FHIP1A: variants seen among roughly 807,000 people sequenced by gnomAD.
The protein encoded by FHIP1A is FHF complex subunit HOOK interacting protein 1A, also known as FHF complex subunit HOOK-interacting protein 1A.
A neutral mutation model predicts 88.6 loss-of-function variants in FHIP1A; 61 were observed. The observed-to-expected ratio is 0.69, with a 90% CI of 0.56 to 0.85. The LOEUF (loss-of-function observed/expected upper bound fraction) is 0.85. FHIP1A is among the 40% of genes least tolerant of loss of function. The pLI, the probability that FHIP1A is intolerant of heterozygous loss-of-function variation, is 0.00. For synonymous variants in FHIP1A, 478 were observed against 496.0 expected (o/e 0.96, Z 0.48); for missense variants, 1,154 against 1,273.5 (o/e 0.91, Z 1.43).
chr4:151,485,593 T>TG (rs1446222275), intron 3 of FHIP1A, among the ~76,000 whole-genome samples: 5 of 144,572 alleles, frequency 3.5e-5, no homozygotes, highest in South Asian at 2.1e-4. Context: ...AGCTCAGAGT[T>TG]TTTTTTTTTT....
Position 151,663,269 on chromosome 4 carries a change from A to G in FHIP1A, c.*515A>G, listed in dbSNP as rs928813536. On this transcript the variant is annotated 3_prime_UTR_variant, in exon 14 of 14. Coordinates refer to ENST00000435205, the MANE Select transcript of FHIP1A (RefSeq NM_001109977.3). The stretch of plus-strand genomic sequence containing the variant: ...CCTCCTGCCTCCATCACGAAAGCAC[A>G]TATCATCTGTCCCTTTGGATTTTAC... The G allele has an allele frequency of 6.6e-6, 1 of 152,340 alleles. No individual in the cohort carries two copies. The highest frequency in any genetic ancestry group is 1.5e-5 in the Non-Finnish European group (1 of 68,138). 9.4% of individuals were successfully genotyped at this position (152,340 alleles called of 1,614,324 possible).
chr4:151,476,081 C>T (rs1429924461), intron 2 of FHIP1A, among the ~76,000 whole-genome samples: 2 of 150,810 alleles, frequency 1.3e-5, no homozygotes, highest in Admixed American at 6.6e-5. Flanking sequence ...AGGATGGTCT[C>T]GATCTTTTGA....
In FHIP1A at chr4:151,646,628, G is replaced by A. The variant is rs937294108; in HGVS notation, c.1297G>A (p.Val433Ile). Reference protein sequence around the residue: ...WAVKERDCYSVSAAKLLALTP... With the variant: ...WAVKERDCYSISAAKLLALTP... ...TGTGAAGGAGAGAGACTGTTACTCT[G>A]TTTCTGCGGCCAAGCTTCTCGCCTT... The change falls in exon 10 of 14, where the codon GTT (valine) becomes ATT (isoleucine). Residue 433 changes from valine (V) to isoleucine (I), a missense_variant. Transcript: ENST00000435205. The A allele has an allele frequency of 1.9e-6, 3 of 1,551,668 alleles. No homozygotes were observed. The highest frequency in any genetic ancestry group is 2.6e-6 in the Non-Finnish European group (3 of 1,146,938).
At chr4:151,478,381 G>C (rs1226737183) in intron 2 of FHIP1A, among the ~76,000 whole-genome samples, 2 of 152,158 alleles carry the variant, frequency 1.3e-5, no homozygotes, top group Non-Finnish European at 2.9e-5. Flanking sequence ...TGTAGCACAT[G>C]CCTTGCTGTT....
At chr4:151,412,841 C>A (rs1239424682) in intron 1 of FHIP1A, among the ~76,000 whole-genome samples, 5 of 151,500 alleles carry the variant, frequency 3.3e-5, no homozygotes, top group Non-Finnish European at 5.9e-5. Context: ...AGCACCACCA[C>A]GCCTGGCTAA....
At chr4:151,460,436 A>G (rs1729109033) in intron 2 of FHIP1A, among the ~76,000 whole-genome samples, 1 of 152,148 alleles carries the variant, frequency 6.6e-6, no homozygotes, top group South Asian at 2.1e-4. Context: ...TGTACCTACC[A>G]CCACCACCAC....
chr4:151,555,047 C>T (rs189555735), intron 3 of FHIP1A, among the ~76,000 whole-genome samples: 1 of 152,130 alleles, frequency 6.6e-6, no homozygotes, highest in African/African-American at 2.4e-5. Context: ...TTGTGGTTCT[C>T]CCCCCAATCA....
chr4:151,510,694 A>C (rs964936115), intron 3 of FHIP1A, among the ~76,000 whole-genome samples: 2 of 152,290 alleles, frequency 1.3e-5, no homozygotes, highest in South Asian at 4.1e-4. Context: ...TAGTGACTTA[A>C]TGTTTTATCT....
At chr4:151,518,967 C>G (rs1451335881) in intron 3 of FHIP1A, among the ~76,000 whole-genome samples, 1 of 152,120 alleles carries the variant, frequency 6.6e-6, no homozygotes, top group Non-Finnish European at 1.5e-5. Flanking sequence ...GCCACCGCAC[C>G]TAGCTGCATC....
intron 10 of FHIP1A, 23 bp downstream of exon 10, chr4:151,646,771 C>G: frequency 6.7e-7 from 1 of 1,498,616 alleles, no homozygotes; most frequent in Non-Finnish European, 9.0e-7. Context: ...TAGTGATGAT[C>G]TTTAAACAAA....
At chr4:151,446,636 T>A (rs1728619317) in intron 1 of FHIP1A, among the ~76,000 whole-genome samples, 1 of 151,262 alleles carries the variant, frequency 6.6e-6, no homozygotes, top group Non-Finnish European at 1.5e-5. Context: ...TTGGGAAGTT[T>A]CGGTGCTTTA....
At chr4:151,538,403 C>T (rs556373079) in intron 3 of FHIP1A, among the ~76,000 whole-genome samples, 1 of 152,296 alleles carries the variant, frequency 6.6e-6, no homozygotes, top group African/African-American at 2.4e-5. Context: ...CCTCTTGCAT[C>T]TGTCCTGTCA....
chr4:151,655,890 A>G (rs2126922556), intron 11 of FHIP1A, among the ~76,000 whole-genome samples: 1 of 152,310 alleles, frequency 6.6e-6, no homozygotes, highest in South Asian at 2.1e-4. Context: ...GGCAGCCCCA[A>G]GAAATACAGG....
chr4:151,425,908 G>C (rs929279125), intron 1 of FHIP1A, among the ~76,000 whole-genome samples: 28 of 152,156 alleles, frequency 1.8e-4, no homozygotes, highest in Admixed American at 2.6e-4. Flanking sequence ...AAATTGGAGG[G>C]ACATGTTATT....
rs144693516 is a variant in FHIP1A at position 151,540,813 on chromosome 4, C to A, written c.-122-25325C>A. ...CTTTGCTGCTTAGGTTATTCCCAGA[C>A]TTCTCAGGGCTCCAGGAGCATGAGC... On this transcript the variant is annotated intron_variant, in intron 3 of 13. Coordinates refer to ENST00000435205, the MANE Select transcript of FHIP1A (RefSeq NM_001109977.3). 3.9e-3 allele frequency among the ~76,000 whole-genome samples: 599 copies of A among 152,296 alleles called. 1 individual carries two copies. Among genetic ancestry groups the A allele is most frequent in the Non-Finnish European group, 6.9e-3 (471 of 68,026 alleles).
intron 7 of FHIP1A, among the ~76,000 whole-genome samples, chr4:151,600,478 G>T (rs1734822214): frequency 6.6e-6 from 1 of 152,184 alleles, no homozygotes. Context: ...GGGTAGTGAG[G>T]GGAGCTTAGT....
chr4:151,646,246 GGGGA>G (rs1736786228), intron 9 of FHIP1A, among the ~76,000 whole-genome samples: 1 of 152,216 alleles, frequency 6.6e-6, no homozygotes. Context: ...GCAGAGAAAA[GGGGA>G]AAGCACAGGC....
chr4:151,598,382 A>G (rs896431978), intron 7 of FHIP1A, among the ~76,000 whole-genome samples: 33 of 152,264 alleles, frequency 2.2e-4, no homozygotes, highest in Middle Eastern at 3.4e-3. Flanking sequence ...ACCAGTCCCA[A>G]TGAGATGAAC....
intron 2 of FHIP1A, among the ~76,000 whole-genome samples, chr4:151,474,826 G>A (rs150738012): frequency 6.6e-6 from 1 of 152,302 alleles, no homozygotes; most frequent in Non-Finnish European, 1.5e-5. Flanking sequence ...GTATCAGTAG[G>A]AAGGCTAACA....
Sources: gnomAD v4.1 joint callset for allele counts (sites outside exome capture counted in the v4.1 genomes callset) on GRCh38, gnomAD v4.1.1 for gene constraint, MANE v1.5 for transcripts, NCBI Gene and HGNC (gene_info 2026-07-23, HGNC 2026-07-21) for gene names.